Variants in LRRC72 observed in about 807,000 individuals in gnomAD.
LRRC72 encodes the protein leucine-rich repeat-containing protein 72.
In LRRC72, 41 loss-of-function variants were observed where a neutral mutation model predicts 35.8. The ratio of observed to expected loss-of-function variants is 1.15; its 90% CI spans 0.89 to 1.49. The LOEUF (loss-of-function observed/expected upper bound fraction) is 1.49, where lower values mean the gene tolerates loss of function less well. Ranked by LOEUF, LRRC72 falls within the 40% of genes most tolerant of loss-of-function variation. The probability of loss-of-function intolerance (pLI) is 0.00; values close to 1 mark genes in which losing one functional copy is unlikely to be tolerated. For missense variants in LRRC72, 389 were observed against 330.7 expected, an observed-to-expected ratio of 1.18 and a Z score of -1.37; for synonymous variants, 118 against 119.2, an observed-to-expected ratio of 0.99 and a Z score of 0.07.
At chr7:16,570,087 T>C (rs895497068) in intron 7 of LRRC72, among the ~76,000 whole-genome samples, 3 of 152,112 alleles carry the variant, frequency 2.0e-5, no homozygotes, top group African/African-American at 7.2e-5. Flanking sequence ...GCACAGTTCA[T>C]TGATTCCAGA....
At chr7:16,554,366 T>G (rs528756110) in intron 3 of LRRC72, among the ~76,000 whole-genome samples, 4 of 152,302 alleles carry the variant, frequency 2.6e-5, no homozygotes, top group Middle Eastern at 6.8e-3. Context: ...TTTATTTTAA[T>G]AATAGCTGAG....
chr7:16,543,864 T>G (rs144736245), intron 3 of LRRC72, among the ~76,000 whole-genome samples: 96 of 152,318 alleles, frequency 6.3e-4, no homozygotes, highest in African/African-American at 2.2e-3. Flanking sequence ...CAGAGATTCA[T>G]GGAGATGCCA....
intron 3 of LRRC72, among the ~76,000 whole-genome samples, chr7:16,547,713 C>A (rs1782472819): frequency 6.6e-6 from 1 of 152,234 alleles, no homozygotes; most frequent in African/African-American, 2.4e-5. Flanking sequence ...GGTATGCCAG[C>A]CCCCTGCCAC....
Position 16,531,113 on chromosome 7 carries a change from G to A in LRRC72, c.91-1382G>A, listed in dbSNP as rs547095314. 2.2e-4 allele frequency among the ~76,000 whole-genome samples: 33 copies of A among 151,422 alleles called. No homozygotes were observed. The East Asian group carries it at 6.4e-3, about 29-fold the overall frequency. On this transcript the variant is annotated intron_variant, in intron 1 of 8. Coordinates refer to ENST00000401542, the MANE Select transcript of LRRC72 (RefSeq NM_001195280.2). ...CAGGAGAATTGCTTGAACCTGGGAG[G>A]CAGAGGTTGCAGTGAGCTGAAATCA...
chr7:16,561,607 G>A (rs370041697), intron 5 of LRRC72, among the ~76,000 whole-genome samples: 6 of 152,186 alleles, frequency 3.9e-5, no homozygotes, highest in African/African-American at 1.2e-4. Flanking sequence ...TCACAGTGAC[G>A]TATTTCAAGT....
intron 6 of LRRC72, among the ~76,000 whole-genome samples, 168 bp from the exon 7 acceptor site, chr7:16,567,223 T>A (rs1476548689): frequency 6.6e-6 from 1 of 152,160 alleles, no homozygotes; most frequent in East Asian, 1.9e-4. Context: ...TGAGTGCTTG[T>A]AAGATTATGG....
chr7:16,556,815 G>A (rs1174978472), intron 3 of LRRC72, among the ~76,000 whole-genome samples: 1 of 152,152 alleles, frequency 6.6e-6, no homozygotes, highest in Admixed American at 6.5e-5. Flanking sequence ...AACGTACTGC[G>A]GCAGGCCACT....
chr7:16,581,240 G>T, intron 8 of LRRC72, 84 bp from the exon 9 acceptor site: 1 of 1,218,134 alleles, frequency 8.2e-7, no homozygotes. Flanking sequence ...ACATGGCATT[G>T]ATTCATTTGA....
intron 2 of LRRC72, among the ~76,000 whole-genome samples, chr7:16,534,272 T>C (rs1428062350): frequency 1.3e-5 from 2 of 152,194 alleles, no homozygotes; most frequent in Non-Finnish European, 2.9e-5. Flanking sequence ...CCATCATTAG[T>C]AGAATTACCT....
chr7:16,540,662 T>G (rs781596708), intron 3 of LRRC72, among the ~76,000 whole-genome samples: 1 of 152,104 alleles, frequency 6.6e-6, no homozygotes, highest in Non-Finnish European at 1.5e-5. Flanking sequence ...GATTGGATCA[T>G]GGGGGCAGTT....
chr7:16,576,632 C>A (rs1008983169), intron 7 of LRRC72, among the ~76,000 whole-genome samples: 1 of 152,250 alleles, frequency 6.6e-6, no homozygotes, highest in African/African-American at 2.4e-5. Flanking sequence ...ACACTTTGGG[C>A]TTCTACCTGG....
chr7:16,567,300 T>A (rs953001324), intron 6 of LRRC72, 91 bp from the exon 7 acceptor site: 7 of 933,972 alleles, frequency 7.5e-6, no homozygotes, highest in Non-Finnish European at 7.5e-6. Flanking sequence ...ATAGTTTAGA[T>A]AAATACATTC....
chr7:16,578,748 G>A (rs1370060944), intron 7 of LRRC72, among the ~76,000 whole-genome samples: 3 of 152,134 alleles, frequency 2.0e-5, no homozygotes. Flanking sequence ...TTCATTGTAA[G>A]TAAAGTATGC....
chr7:16,530,542 A>G (rs1324792476), intron 1 of LRRC72: 4 of 152,232 alleles, frequency 2.6e-5, no homozygotes. Context: ...AGTCAAATTT[A>G]TATATAAAAT....
chr7:16,576,071 A>T (rs1271634681), intron 7 of LRRC72, among the ~76,000 whole-genome samples: 1 of 152,214 alleles, frequency 6.6e-6, no homozygotes, highest in Non-Finnish European at 1.5e-5. Context: ...CTTAATTAAA[A>T]GATATGTTGA....
intron 3 of LRRC72, among the ~76,000 whole-genome samples, chr7:16,553,470 T>C (rs1364075806): frequency 6.6e-6 from 1 of 152,212 alleles, no homozygotes; most frequent in East Asian, 1.9e-4. Context: ...GATTATATTG[T>C]ATAGTGTCTG....
intron 3 of LRRC72, among the ~76,000 whole-genome samples, chr7:16,546,113 TATATA>T (rs1357504726): frequency 2.6e-5 from 4 of 152,224 alleles, no homozygotes; most frequent in African/African-American, 4.8e-5. Flanking sequence ...TTTTTACTCC[TATATA>T]ATTTAGGGTA....
At chr7:16,546,253 G>A (rs1215707492) in intron 3 of LRRC72, among the ~76,000 whole-genome samples, 1 of 152,004 alleles carries the variant, frequency 6.6e-6, no homozygotes, top group Non-Finnish European at 1.5e-5. Flanking sequence ...GAATTTTTCA[G>A]AATTTCATCA....
At chr7:16,545,550 A>T (rs1782430335) in intron 3 of LRRC72, among the ~76,000 whole-genome samples, 1 of 152,142 alleles carries the variant, frequency 6.6e-6, no homozygotes. Flanking sequence ...ACCTTGTTCC[A>T]AAAAACTATT....
Sources: allele counts gnomAD v4.1 joint callset (sites outside exome capture counted in the v4.1 genomes callset), GRCh38; gene constraint gnomAD v4.1.1; transcripts MANE v1.5; gene names NCBI Gene and HGNC (gene_info 2026-07-23, HGNC 2026-07-21).